CELF2: variants seen among roughly 807,000 people sequenced by gnomAD.
CELF2 encodes the protein CUG triplet repeat RNA-binding protein 2.
Under a neutral mutation model 62.6 loss-of-function variants are expected in CELF2, and 8 were observed. The ratio of observed to expected loss-of-function variants is 0.13; its 90% confidence interval spans 0.07 to 0.23. CELF2 has a LOEUF of 0.23. CELF2 is among the 10% of genes least tolerant of loss of function. The pLI is 1.00. For synonymous variants in CELF2, 258 were observed against 250.0 expected, an observed-to-expected ratio of 1.03 and a Z score of -0.30; for missense variants, 333 against 671.0, an observed-to-expected ratio of 0.50 and a Z score of 5.56.
rs138200581 is a variant in CELF2, at chr10:11,193,407, C to A, written c.272-24018C>A. ...GTAGAGAATAACTCCAAAGTTTCAC[C>A]GTGACAAGTGCAGAAATTACATTTA... On this transcript the variant is annotated intron_variant, in intron 2 of 12. Transcript: ENST00000633077. 1.1e-3 allele frequency among the ~76,000 whole-genome samples: 164 copies of A among 152,286 alleles called. 1 individual carries two copies. Among genetic ancestry groups the A allele is most frequent in the East Asian group, 5.4e-3 (28 of 5,190 alleles).
At chr10:10,701,770 C>T in the CELF2 span, among the ~76,000 whole-genome samples, 1 of 152,192 alleles carries the variant, frequency 6.6e-6, no homozygotes, top group South Asian at 2.1e-4. Context: ...GAACCACGTC[C>T]CATTTTCCAT....
the CELF2 span, among the ~76,000 whole-genome samples, chr10:10,490,415 T>C: frequency 6.6e-6 from 1 of 152,184 alleles, no homozygotes. Flanking sequence ...GGTTACTTTT[T>C]TGGACTTCAT....
At chr10:10,503,368 C>A in the CELF2 span, among the ~76,000 whole-genome samples, 2 of 151,844 alleles carry the variant, frequency 1.3e-5, no homozygotes, top group Non-Finnish European at 3.0e-5. Flanking sequence ...TACTATTTTT[C>A]AGTTCTAATT....
chr10:10,795,125 C>T (rs2054063923), upstream of CELF2: 1 of 151,672 alleles, frequency 6.6e-6, no homozygotes, highest in Non-Finnish European at 1.5e-5. Context: ...ACCGAAGAAA[C>T]CAAAGGAAGG....
the CELF2 span, among the ~76,000 whole-genome samples, chr10:10,618,422 TATGAAATTTTTCTG>T: frequency 1.3e-5 from 2 of 152,092 alleles, no homozygotes; most frequent in South Asian, 4.1e-4. Context: ...CTGGCTTCAG[TATGAAATTTTTCTG>T]ATGAAATCTC....
chr10:11,123,738 A>G (rs1186315554), intron 1 of CELF2, among the ~76,000 whole-genome samples: 2 of 152,256 alleles, frequency 1.3e-5, no homozygotes, highest in Admixed American at 1.3e-4. Flanking sequence ...TGATGAGCAC[A>G]TTAACAGAGC....
At chr10:10,694,301 T>C in the CELF2 span, among the ~76,000 whole-genome samples, 51 of 151,804 alleles carry the variant, frequency 3.4e-4, no homozygotes, top group Admixed American at 6.6e-4. Context: ...GGTTGTTCAG[T>C]TTCCATGTAG....
the CELF2 span, among the ~76,000 whole-genome samples, chr10:10,694,262 G>A: frequency 7.2e-5 from 11 of 152,036 alleles, no homozygotes; most frequent in Admixed American, 3.9e-4. Context: ...CCTTCATTTC[G>A]TTGTGTACCC....
At chr10:11,153,338 A>G (rs996516521) in intron 1 of CELF2, among the ~76,000 whole-genome samples, 16 of 152,198 alleles carry the variant, frequency 1.1e-4, no homozygotes, top group Admixed American at 3.3e-4. Context: ...CCGAAGCTTC[A>G]TTAACACCGT....
chr10:11,329,199 T>C lies in CELF2; in HGVS notation c.*146T>C. 1.3e-6 allele frequency: 1 copy of C among 755,816 alleles called. No homozygotes were observed. Among genetic ancestry groups the C allele is most frequent in the Non-Finnish European group, 2.0e-6 (1 of 499,260 alleles). 46.8% of individuals were successfully genotyped at this position (755,816 alleles called of 1,614,324 possible). On this transcript the variant is annotated 3_prime_UTR_variant, in exon 13 of 13. Transcript: ENST00000633077. This position sits in a 1 kb window ranked among gnomAD's most constrained non-coding sequence, Gnocchi z 5.5. ...GGTTATTTTTACAATAAGGCCTCCATGTCCCCACCCACTTCCCCTACCCAG... is the reference window on the plus strand; with the variant it reads ...GGTTATTTTTACAATAAGGCCTCCACGTCCCCACCCACTTCCCCTACCCAG...
At chr10:10,913,624 C>T (rs1315363798) in intron 1 of CELF2, among the ~76,000 whole-genome samples, 1 of 150,490 alleles carries the variant, frequency 6.6e-6, no homozygotes, top group Non-Finnish European at 1.5e-5. Context: ...CTCCTGAACT[C>T]GGGTGATCCA....
At chr10:11,088,931 G>A (rs1366695833) in intron 1 of CELF2, among the ~76,000 whole-genome samples, 1 of 152,210 alleles carries the variant, frequency 6.6e-6, no homozygotes, top group Non-Finnish European at 1.5e-5. Flanking sequence ...ATCTGGAGCT[G>A]GTGACTGAAG....
chr10:11,075,551 A>G lies in CELF2; in HGVS notation c.74+57388A>G, dbSNP rs779282858. Among the ~76,000 whole-genome samples the G allele has an allele frequency of 6.6e-6, 1 of 152,202 alleles. No homozygotes were observed. Among genetic ancestry groups the G allele is most frequent in the Non-Finnish European group, 1.5e-5 (1 of 68,030 alleles). ...ATCTGCAAAGAGCTCTAAGAAACTC[A>G]AAAGAAGGCTGCTGTGTAAATTAAG... On this transcript the variant is annotated intron_variant, in intron 1 of 12. Transcript: ENST00000633077. The surrounding 1 kb of genome is among the most constrained non-coding windows in gnomAD (Gnocchi z 5.4).
At chr10:11,119,876 G>A in intron 1 of CELF2, among the ~76,000 whole-genome samples, 1 of 73,650 alleles carries the variant, frequency 1.4e-5, no homozygotes, top group Non-Finnish European at 2.5e-5. Context: ...CCCCCCCCCG[G>A]CCCCCGCTTT....
the CELF2 span, among the ~76,000 whole-genome samples, chr10:10,745,123 A>C: frequency 0.029 from 3,448 of 119,770 alleles, 55 homozygotes; most frequent in Non-Finnish European, 0.043. Flanking sequence ...TAAAAAAAAA[A>C]AAAACAAAAC....
chr10:10,700,063 G>A, the CELF2 span, among the ~76,000 whole-genome samples: 1 of 152,166 alleles, frequency 6.6e-6, no homozygotes, highest in Admixed American at 6.5e-5. Flanking sequence ...CCAGACAAAA[G>A]GGTTACCCCT....
chr10:10,560,415 A>C, the CELF2 span, among the ~76,000 whole-genome samples: 7 of 152,194 alleles, frequency 4.6e-5, no homozygotes, highest in Non-Finnish European at 8.8e-5. Context: ...TTTCCATTGG[A>C]AAATAAGTCC....
chr10:10,597,395 T>G, the CELF2 span, among the ~76,000 whole-genome samples: 1 of 152,186 alleles, frequency 6.6e-6, no homozygotes, highest in African/African-American at 2.4e-5. Context: ...ACCACAACTT[T>G]TCAGACAGTA....
chr10:10,678,897 G>A, the CELF2 span, among the ~76,000 whole-genome samples: 1 of 152,118 alleles, frequency 6.6e-6, no homozygotes, highest in Non-Finnish European at 1.5e-5. Flanking sequence ...AAAATAAGAT[G>A]AAACAAATAC....
Sources: gnomAD v4.1 joint callset for allele counts (sites outside exome capture counted in the v4.1 genomes callset) on GRCh38, gnomAD v4.1.1 for gene constraint, Gnocchi (gnomAD v3.1) non-coding constraint, MANE v1.5 for transcripts, NCBI Gene and HGNC (gene_info 2026-07-23, HGNC 2026-07-21) for gene names.